The following POPDC1 variants were observed in gnomAD, a reference collection of about 807,000 sequenced individuals.
POPDC1 encodes popeye domain cAMP effector 1.
the POPDC1 span, chr6:105,129,251 C>A: frequency 2.4e-6 from 2 of 828,298 alleles, no homozygotes; most frequent in Non-Finnish European, 1.7e-6. Context: ...AAACAGAAAG[C>A]CTAAACTTCA....
the POPDC1 span, chr6:105,099,353 C>T: frequency 1.3e-5 from 2 of 152,154 alleles, no homozygotes; most frequent in African/African-American, 4.8e-5. Context: ...TTATATGTCT[C>T]CTCTAACAGA....
the POPDC1 span, among the ~76,000 whole-genome samples, chr6:105,113,571 C>T: frequency 6.6e-6 from 1 of 152,216 alleles, no homozygotes; most frequent in Non-Finnish European, 1.5e-5. Context: ...TCTGCCACGA[C>T]TGTCTTCCTT....
the POPDC1 span, among the ~76,000 whole-genome samples, chr6:105,113,638 G>A: frequency 1.3e-5 from 2 of 152,136 alleles, no homozygotes; most frequent in African/African-American, 4.8e-5. Context: ...TGAGCCCCAA[G>A]AGTAGGGAAG....
chr6:105,109,298 G>T, the POPDC1 span, among the ~76,000 whole-genome samples: 1 of 152,264 alleles, frequency 6.6e-6, no homozygotes, highest in Admixed American at 6.5e-5. Context: ...GCAAGAAAAA[G>T]AAATGGAGAT....
At chr6:105,115,953 T>C in the POPDC1 span, 24 of 775,776 alleles carry the variant, frequency 3.1e-5, no homozygotes, top group Non-Finnish European at 4.4e-5. Flanking sequence ...TGATACATAT[T>C]AGGTGGCCAA....
At chr6:105,116,393 G>C in the POPDC1 span, among the ~76,000 whole-genome samples, 1 of 152,080 alleles carries the variant, frequency 6.6e-6, no homozygotes, top group Non-Finnish European at 1.5e-5. Flanking sequence ...CAAACCTCCA[G>C]CTGCCCTGTC....
At chr6:105,121,447 T>C in the POPDC1 span, among the ~76,000 whole-genome samples, 2 of 152,010 alleles carry the variant, frequency 1.3e-5, no homozygotes, top group African/African-American at 4.8e-5. Flanking sequence ...TTTGTATTTT[T>C]AGTGGACACC....
the POPDC1 span, chr6:105,115,595 A>G: frequency 6.9e-7 from 1 of 1,455,764 alleles, no homozygotes; most frequent in Non-Finnish European, 9.2e-7. Flanking sequence ...AGTTACCTGC[A>G]AAGTTATTTT....
chr6:105,129,320 G>A, the POPDC1 span: 3 of 1,431,172 alleles, frequency 2.1e-6, no homozygotes, highest in South Asian at 1.3e-5. Context: ...TCTGAACAAA[G>A]TACCTTTCAA....
chr6:105,099,985 TA>T, the POPDC1 span: 1 of 152,224 alleles, frequency 6.6e-6, no homozygotes, highest in Admixed American at 6.5e-5. Context: ...AGCTGGAGGT[TA>T]ACCCCGTGCT....
chr6:105,115,384 C>T, the POPDC1 span, among the ~76,000 whole-genome samples: 24 of 152,200 alleles, frequency 1.6e-4, no homozygotes, highest in African/African-American at 5.8e-4. Flanking sequence ...TCCCAAAGTG[C>T]TGGGATTACA....
the POPDC1 span, chr6:105,098,139 G>A: frequency 6.6e-6 from 1 of 152,110 alleles, no homozygotes; most frequent in Non-Finnish European, 1.5e-5. Context: ...AAAAACACAG[G>A]AAGCATCTTA....
chr6:105,116,061 TAACTG>T, the POPDC1 span, among the ~76,000 whole-genome samples: 1 of 152,168 alleles, frequency 6.6e-6, no homozygotes, highest in Non-Finnish European at 1.5e-5. Flanking sequence ...GCTAAATAAT[TAACTG>T]AAATAAGCAC....
the POPDC1 span, among the ~76,000 whole-genome samples, chr6:105,104,558 G>A: frequency 7.9e-5 from 12 of 152,214 alleles, no homozygotes; most frequent in Admixed American, 2.6e-4. Context: ...AATTTCTGGC[G>A]GGTCTCCCAG....
chr6:105,118,753 C>G, the POPDC1 span, among the ~76,000 whole-genome samples: 1 of 152,142 alleles, frequency 6.6e-6, no homozygotes, highest in Non-Finnish European at 1.5e-5. Context: ...GCTTTCATAT[C>G]TATCATGTAA....
At chr6:105,096,978 T>C in the POPDC1 span, 4 of 152,682 alleles carry the variant, frequency 2.6e-5, no homozygotes, top group Non-Finnish European at 5.9e-5. Flanking sequence ...TAAATGTCTG[T>C]ATAAAGCTTT....
At chr6:105,125,577 A>G in the POPDC1 span, 1 of 1,613,760 alleles carries the variant, frequency 6.2e-7, no homozygotes, top group African/African-American at 1.3e-5. Context: ...TTCAATCTTT[A>G]CCTGAAATGC....
the POPDC1 span, among the ~76,000 whole-genome samples, chr6:105,125,210 G>A: frequency 6.6e-6 from 1 of 152,228 alleles, no homozygotes. Flanking sequence ...ACTCAACCTG[G>A]GTTTAACATG....
chr6:105,109,845 CAA>C, the POPDC1 span, among the ~76,000 whole-genome samples: 2 of 146,350 alleles, frequency 1.4e-5, no homozygotes, highest in Non-Finnish European at 3.0e-5. Context: ...ACAACTGTTT[CAA>C]AGTGACTGTT....
Sources: gnomAD v4.1 joint callset for allele counts (sites outside exome capture counted in the v4.1 genomes callset) on GRCh38, gnomAD v4.1.1 for gene constraint, MANE v1.5 for transcripts, NCBI Gene and HGNC (gene_info 2026-07-23, HGNC 2026-07-21) for gene names.